Variants in COL13A1 observed in about 807,000 individuals in gnomAD.
The protein encoded by COL13A1 is collagen type XIII alpha 1 chain.
Under a neutral mutation model 130.9 loss-of-function variants are expected in COL13A1, and 89 were observed. The ratio of observed to expected loss-of-function variants is 0.68; its 90% CI spans 0.57 to 0.81. COL13A1 has a LOEUF of 0.81. Among genes scored for constraint, COL13A1 ranks in the 30% least tolerant of loss-of-function variants. COL13A1 has a pLI of 0.00. For synonymous variants in COL13A1, 402 were observed against 341.6 expected (o/e 1.18, Z -1.95); for missense variants, 879 against 934.6 (o/e 0.94, Z 0.78).
At chr10:69,831,861 G>A (rs564963966) in intron 2 of COL13A1, among the ~76,000 whole-genome samples, 1 of 152,276 alleles carries the variant, frequency 6.6e-6, no homozygotes, top group South Asian at 2.1e-4. Context: ...TGTTAGTCAT[G>A]GTACTGTGGA....
chr10:69,805,283 C>T (rs1378480514), intron 1 of COL13A1, among the ~76,000 whole-genome samples: 5 of 152,146 alleles, frequency 3.3e-5, no homozygotes, highest in Admixed American at 1.3e-4. Flanking sequence ...CAGAAGGCTG[C>T]TGCAGGCCAG....
At chr10:69,887,621 T>C in intron 8 of COL13A1, 130 bp downstream of exon 8, 7 of 961,368 alleles carry the variant, frequency 7.3e-6, no homozygotes, top group Non-Finnish European at 1.1e-5. Flanking sequence ...GACTTGCTTC[T>C]ACAGCCATTC....
intron 16 of COL13A1, 70 bp downstream of exon 16, chr10:69,905,029 A>G (rs1298548118): frequency 4.7e-6 from 7 of 1,503,106 alleles, no homozygotes; most frequent in Non-Finnish European, 6.3e-6. Flanking sequence ...GGGAGGCAGC[A>G]CAGAAGGTGA....
At chr10:69,899,333 T>C (rs1463066017) in intron 14 of COL13A1, among the ~76,000 whole-genome samples, 1 of 152,244 alleles carries the variant, frequency 6.6e-6, no homozygotes, top group Non-Finnish European at 1.5e-5. Flanking sequence ...TTAAGAGACA[T>C]AATTGTTAGC....
chr10:69,944,170 G>A lies in COL13A1; in HGVS notation c.1960G>A (p.Gly654Ser). 2.5e-6 allele frequency: 4 copies of A among 1,613,728 alleles called. No homozygotes were observed. Among genetic ancestry groups the A allele is most frequent in the Non-Finnish European group, 2.5e-6 (3 of 1,179,760 alleles). The stretch of plus-strand genomic sequence containing the variant: ...AGTTCCAGGCCCAGCGGGACCAAAG[G>A]GCGAGAGGGTGAGTGTCACTGAGCC... ...IGVPGPAGPK[G>S]ERGSKGDPGM... The change falls in exon 36 of 41, where the codon GGC becomes AGC. Residue 654 changes from glycine (G) to serine (S), a missense_variant. Around this residue, in one of 3 missense-constraint regions of COL13A1, gnomAD observed 96 missense variants for 147.7 expected, o/e 0.65. Coordinates refer to ENST00000645393, the MANE Select transcript of COL13A1 (RefSeq NM_001368882.1).
intron 1 of COL13A1, among the ~76,000 whole-genome samples, chr10:69,816,947 C>T (rs1193104895): frequency 6.6e-6 from 1 of 152,116 alleles, no homozygotes; most frequent in African/African-American, 2.4e-5. Context: ...GAGGATTATT[C>T]TCTTTTCCGT....
At chr10:69,855,904 C>T (rs564814613) in intron 2 of COL13A1, among the ~76,000 whole-genome samples, 33 of 144,754 alleles carry the variant, frequency 2.3e-4, no homozygotes, top group Non-Finnish European at 1.5e-5. Flanking sequence ...TATGACATTG[C>T]TCCTTCACAG....
At chr10:69,851,567 C>A (rs572491847) in intron 2 of COL13A1, among the ~76,000 whole-genome samples, 1 of 152,244 alleles carries the variant, frequency 6.6e-6, no homozygotes, top group Non-Finnish European at 1.5e-5. Context: ...TGTGGCTATT[C>A]AACACTTAAA....
At chr10:69,918,199 A>G (rs1392626802) in intron 18 of COL13A1, 86 bp from the exon 19 acceptor site, 3 of 1,219,110 alleles carry the variant, frequency 2.5e-6, no homozygotes, top group African/African-American at 1.5e-5. Context: ...TCATCACACC[A>G]TGGGGAGGCT....
At chr10:69,877,772 C>T (rs117384413) in intron 5 of COL13A1, among the ~76,000 whole-genome samples, 6,676 of 151,618 alleles carry the variant, frequency 0.044, 208 homozygotes, top group Middle Eastern at 0.065. Context: ...GGGCCTCTTA[C>T]GGCCCCAGCC....
chr10:69,947,607 A>G (rs1165775028), intron 38 of COL13A1, among the ~76,000 whole-genome samples: 2 of 152,150 alleles, frequency 1.3e-5, no homozygotes, highest in African/African-American at 2.4e-5. Flanking sequence ...CTATCCAGCA[A>G]CAAGATCCAT....
intron 16 of COL13A1, 90 bp from the exon 17 acceptor site, chr10:69,905,697 G>T: frequency 6.9e-7 from 1 of 1,444,880 alleles, no homozygotes; most frequent in South Asian, 1.2e-5. Context: ...GTCATCGAGA[G>T]GAAGAGGGAT....
intron 17 of COL13A1, among the ~76,000 whole-genome samples, chr10:69,910,944 AAC>A (rs1182737595): frequency 6.6e-6 from 1 of 152,226 alleles, no homozygotes; most frequent in Non-Finnish European, 1.5e-5. Context: ...CCATGGCTGA[AAC>A]ACACATTCCC....
chr10:69,813,907 C>G (rs1843723912), intron 1 of COL13A1, among the ~76,000 whole-genome samples: 1 of 152,218 alleles, frequency 6.6e-6, no homozygotes, highest in Non-Finnish European at 1.5e-5. Flanking sequence ...CCCTCCCTCC[C>G]CCATGCCCAT....
intron 1 of COL13A1, among the ~76,000 whole-genome samples, chr10:69,819,386 T>C (rs1845452851): frequency 6.6e-6 from 1 of 152,126 alleles, no homozygotes; most frequent in African/African-American, 2.4e-5. Flanking sequence ...GACTTACTTA[T>C]TTGACTTATT....
chr10:69,934,464 G>A (rs2066563411), intron 31 of COL13A1, among the ~76,000 whole-genome samples: 1 of 152,218 alleles, frequency 6.6e-6, no homozygotes. Context: ...GTGTAGGGGT[G>A]CCCTCTGTCG....
chr10:69,939,357 C>T (rs532791722), intron 34 of COL13A1, among the ~76,000 whole-genome samples: 3 of 152,312 alleles, frequency 2.0e-5, no homozygotes, highest in South Asian at 2.1e-4. Context: ...TGAAATCTTT[C>T]CATTTTCTAA....
intron 7 of COL13A1, among the ~76,000 whole-genome samples, chr10:69,882,926 G>A (rs2060283310): frequency 6.6e-6 from 1 of 152,172 alleles, no homozygotes; most frequent in African/African-American, 2.4e-5. Context: ...GAGCAGGGAC[G>A]GGGGAAGACA....
chr10:69,810,296 G>A lies in COL13A1; in HGVS notation c.294+7579G>A, dbSNP rs192273425. ...TAGGGCCTGGCTGTAAGTGTCTAAC[G>A]AGCTCCTCGGGTGATCGTGTTCTGC... On this transcript the variant is annotated intron_variant, in intron 1 of 40. Coordinates refer to ENST00000645393, the MANE Select transcript of COL13A1 (RefSeq NM_001368882.1). Among the ~76,000 whole-genome samples the A allele has an allele frequency of 1.5e-4, 22 of 151,604 alleles. No homozygotes were observed. The South Asian group carries it at 3.6e-3, about 24-fold the overall frequency.
Sources: gnomAD v4.1 joint callset for allele counts (sites outside exome capture counted in the v4.1 genomes callset) on GRCh38, gnomAD v4.1.1 for gene constraint, gnomAD v4.1.1 regional missense constraint, MANE v1.5 for transcripts, NCBI Gene and HGNC (gene_info 2026-07-23, HGNC 2026-07-21) for gene names.